The following XKR6 variants were observed in gnomAD, a reference collection of about 807,000 sequenced individuals.
XKR6 encodes XK related 6, also known as XK-related protein 6.
A neutral mutation model predicts 56.7 loss-of-function variants in XKR6; 22 were observed. That is an observed-to-expected ratio of 0.39 (90% confidence interval 0.28 to 0.55). XKR6 has a LOEUF of 0.55. Ranked by LOEUF, XKR6 falls within the 20% of genes least tolerant of loss-of-function variation. The probability of loss-of-function intolerance (pLI) is 0.66; values close to 1 mark genes in which losing one functional copy is unlikely to be tolerated. For synonymous variants in XKR6, 524 were observed against 387.8 expected (o/e 1.35, Z -4.13); for missense variants, 852 against 889.0 (o/e 0.96, Z 0.53).
rs142748308 is a variant in XKR6, at chr8:11,093,125, G to A, written c.764+107451C>T. 9.4e-4 allele frequency among the ~76,000 whole-genome samples: 141 copies of A among 150,376 alleles called. 1 individual carries two copies. Among genetic ancestry groups the A allele is most frequent in the African/African-American group, 3.3e-3 (133 of 40,736 alleles). On this transcript the variant is annotated intron_variant, in intron 1 of 2. Transcript: ENST00000416569. ...GGCTGGAGTGCAATGGTGTGATCTC[G>A]GCTCACTGCAACCTCCACCTCCCGG...
intron 1 of XKR6, among the ~76,000 whole-genome samples, chr8:10,963,651 C>T (rs1481710384): frequency 6.6e-6 from 1 of 152,074 alleles, no homozygotes; most frequent in Non-Finnish European, 1.5e-5. Flanking sequence ...AAGCAATCCT[C>T]CCACCTCAGC....
intron 1 of XKR6, among the ~76,000 whole-genome samples, chr8:11,006,455 A>C (rs1280640601): frequency 2.0e-5 from 3 of 152,212 alleles, no homozygotes; most frequent in Admixed American, 2.0e-4. Context: ...GGAGACATCA[A>C]TGACCAACAT....
rs927027871 is a variant in XKR6, at chr8:11,088,709, G to C, written c.764+111867C>G. Among the ~76,000 whole-genome samples the C allele has an allele frequency of 5.9e-5, 9 of 152,186 alleles. No homozygotes were observed. The South Asian group carries it at 1.9e-3, about 31-fold the overall frequency. On this transcript the variant is annotated intron_variant, in intron 1 of 2. Coordinates refer to ENST00000416569, the MANE Select transcript of XKR6 (RefSeq NM_173683.4). ...TCTTAACACTGATTTCAACGTTCTA[G>C]ACATACAATCTGAGACTCATTTATT...
intron 1 of XKR6, among the ~76,000 whole-genome samples, chr8:10,999,285 T>A (rs992488357): frequency 1.3e-5 from 2 of 152,236 alleles, no homozygotes; most frequent in Non-Finnish European, 1.5e-5. Flanking sequence ...ACCTCTTGCA[T>A]GAAAATACTG....
chr8:11,104,307 A>T (rs1051994546), intron 1 of XKR6, among the ~76,000 whole-genome samples: 1 of 152,170 alleles, frequency 6.6e-6, no homozygotes, highest in African/African-American at 2.4e-5. Flanking sequence ...GCATCCATTG[A>T]GGAAGAGTAT....
At chr8:11,140,976 T>C (rs62488585) in intron 1 of XKR6, among the ~76,000 whole-genome samples, 4 of 147,190 alleles carry the variant, frequency 2.7e-5, no homozygotes, top group Non-Finnish European at 6.0e-5. Context: ...TCCAAAGACA[T>C]ATATGAAAGA....
intron 1 of XKR6, among the ~76,000 whole-genome samples, chr8:11,130,432 C>A (rs1351052282): frequency 1.3e-5 from 2 of 152,060 alleles, no homozygotes; most frequent in Non-Finnish European, 2.9e-5. Flanking sequence ...TTGGAACCAT[C>A]AGGATCAGGG....
At chr8:11,140,747 A>C (rs1800651247) in intron 1 of XKR6, among the ~76,000 whole-genome samples, 3 of 151,776 alleles carry the variant, frequency 2.0e-5, no homozygotes, top group Admixed American at 6.6e-5. Context: ...AATACAAAAC[A>C]ATTAGCCAGG....
At chr8:11,033,346 A>G (rs1254017796) in intron 1 of XKR6, among the ~76,000 whole-genome samples, 3 of 146,968 alleles carry the variant, frequency 2.0e-5, no homozygotes, top group Non-Finnish European at 4.5e-5. Flanking sequence ...GGTGGTGGTG[A>G]TGATGATGAT....
intron 2 of XKR6, among the ~76,000 whole-genome samples, chr8:10,921,447 G>T (rs1366541479): frequency 1.3e-5 from 2 of 152,314 alleles, no homozygotes; most frequent in African/African-American, 2.4e-5. Flanking sequence ...ATAAAAGGAT[G>T]ACTCCACCTG....
intron 1 of XKR6, among the ~76,000 whole-genome samples, chr8:10,962,484 T>C (rs1321261980): frequency 2.6e-5 from 4 of 152,196 alleles, no homozygotes; most frequent in Non-Finnish European, 5.9e-5. Context: ...GCCAGAAGGC[T>C]CAAATGTATT....
At chr8:11,065,982 G>A (rs1441959728) in intron 1 of XKR6, among the ~76,000 whole-genome samples, 5 of 152,198 alleles carry the variant, frequency 3.3e-5, no homozygotes, top group African/African-American at 9.7e-5. Flanking sequence ...CTATAAAATG[G>A]CAAAGGGGTT....
chr8:11,019,546 A>T (rs1798702225), intron 1 of XKR6, among the ~76,000 whole-genome samples: 1 of 152,234 alleles, frequency 6.6e-6, no homozygotes, highest in Non-Finnish European at 1.5e-5. Context: ...GGCAGGACTC[A>T]GGAACAGGCT....
chr8:10,952,195 G>C (rs1173848760), intron 1 of XKR6, among the ~76,000 whole-genome samples: 1 of 152,150 alleles, frequency 6.6e-6, no homozygotes, highest in Non-Finnish European at 1.5e-5. Context: ...CCCAGGAAGG[G>C]GACCCAAGTT....
intron 2 of XKR6, among the ~76,000 whole-genome samples, chr8:10,900,318 G>A (rs751430545): frequency 1.5e-4 from 23 of 151,942 alleles, no homozygotes; most frequent in Non-Finnish European, 2.5e-4. Flanking sequence ...GTCTCTCCCC[G>A]GGACCTGCCC....
intron 1 of XKR6, among the ~76,000 whole-genome samples, chr8:11,007,782 C>G (rs942731830): frequency 3.3e-5 from 5 of 152,224 alleles, no homozygotes; most frequent in Non-Finnish European, 7.3e-5. Context: ...TGCAGTCTAT[C>G]TCTGGTGTCC....
chr8:11,119,078 T>C (rs1038810685), intron 1 of XKR6, among the ~76,000 whole-genome samples: 1 of 152,118 alleles, frequency 6.6e-6, no homozygotes, highest in African/African-American at 2.4e-5. Flanking sequence ...CCAGTAGTCA[T>C]TCAGGAGCAG....
intron 1 of XKR6, among the ~76,000 whole-genome samples, chr8:10,939,953 G>C (rs1801340373): frequency 6.6e-6 from 1 of 152,248 alleles, no homozygotes; most frequent in Non-Finnish European, 1.5e-5. Context: ...TGTCCCCTGA[G>C]TGTGCACATC....
At chr8:11,193,738 ACCC>A (rs5889361) in intron 1 of XKR6, among the ~76,000 whole-genome samples, 50 of 107,592 alleles carry the variant, frequency 4.6e-4, no homozygotes, top group Non-Finnish European at 5.0e-4. Context: ...TAAGGTTCTG[ACCC>A]CCCCCCCCCC....
Sources: allele counts gnomAD v4.1 joint callset (sites outside exome capture counted in the v4.1 genomes callset), GRCh38; gene constraint gnomAD v4.1.1; transcripts MANE v1.5; gene names NCBI Gene and HGNC (gene_info 2026-07-23, HGNC 2026-07-21).